Variants in TFEC observed in about 807,000 individuals in gnomAD.
TFEC encodes class E basic helix-loop-helix protein 34.
Under a neutral mutation model 41.6 loss-of-function variants are expected in TFEC, and 31 were observed. That is an observed-to-expected ratio of 0.74 (90% CI 0.56 to 1.01). The LOEUF (loss-of-function observed/expected upper bound fraction) is 1.01. Among genes scored for constraint, TFEC ranks in the 50% least tolerant of loss-of-function variants. The pLI is 0.00. For synonymous variants in TFEC, 143 were observed against 140.6 expected (o/e 1.02, Z -0.12); for missense variants, 402 against 404.1 (o/e 0.99, Z 0.04).
chr7:116,135,037 A>C (rs1376947224), intron 1 of TFEC, among the ~76,000 whole-genome samples: 1 of 152,130 alleles, frequency 6.6e-6, no homozygotes, highest in Non-Finnish European at 1.5e-5. Flanking sequence ...CGTCAAAACT[A>C]AGATTGTAGT....
chr7:115,958,304 A>G (rs193300056), intron 3 of TFEC, among the ~76,000 whole-genome samples: 13 of 152,042 alleles, frequency 8.6e-5, no homozygotes, highest in Admixed American at 8.5e-4. Flanking sequence ...TGTTTTTCTA[A>G]GATGTGACTC....
chr7:116,004,508 G>A (rs1430178123), intron 1 of TFEC, among the ~76,000 whole-genome samples: 1 of 152,134 alleles, frequency 6.6e-6, no homozygotes, highest in Non-Finnish European at 1.5e-5. Flanking sequence ...GAACCACTCT[G>A]GTGAAGGTTA....
At chr7:115,978,786 T>C (rs1296850622) in intron 2 of TFEC, among the ~76,000 whole-genome samples, 2 of 152,180 alleles carry the variant, frequency 1.3e-5, no homozygotes, top group African/African-American at 4.8e-5. Flanking sequence ...ACTAATTCTT[T>C]CTTTGGCATC....
chr7:116,087,818 T>C (rs1432826582), intron 3 of TFEC, among the ~76,000 whole-genome samples: 1 of 152,098 alleles, frequency 6.6e-6, no homozygotes, highest in Non-Finnish European at 1.5e-5. Flanking sequence ...CTCAAACCCA[T>C]TCTGTTGTTG....
intron 3 of TFEC, among the ~76,000 whole-genome samples, chr7:116,074,196 T>TG (rs1029192842): frequency 2.0e-5 from 3 of 151,112 alleles, no homozygotes; most frequent in African/African-American, 7.3e-5. Context: ...TATATATTTT[T>TG]TGTGTATGTG....
intron 1 of TFEC, among the ~76,000 whole-genome samples, chr7:116,004,753 G>C (rs1345718866): frequency 6.6e-6 from 1 of 151,750 alleles, no homozygotes; most frequent in Non-Finnish European, 1.5e-5. Context: ...GAAGAGAATA[G>C]TTGGTAAGGA....
chr7:115,938,697 A>G lies in TFEC; in HGVS notation c.*1854T>C, dbSNP rs982983983. On this transcript the variant is annotated 3_prime_UTR_variant, in exon 8 of 8. Transcript: ENST00000265440. ...TTTCCATGTGAGAAGCAACTAAAAG[A>G]TCCTTTCAAAATTTATCCCAAAGCT... The G allele has an allele frequency of 6.6e-6, 1 of 151,972 alleles. No homozygotes were observed. The highest frequency in any genetic ancestry group is 6.6e-5 in the Admixed American group (1 of 15,212). 9.4% of individuals were successfully genotyped at this position (151,972 alleles called of 1,614,324 possible). A position where few individuals can be genotyped will look rare whatever the true frequency, so the allele number is the denominator to read the frequency against.
chr7:116,149,254 T>A (rs1011587355), intron 1 of TFEC, among the ~76,000 whole-genome samples: 7 of 152,076 alleles, frequency 4.6e-5, no homozygotes, highest in Admixed American at 2.6e-4. Flanking sequence ...GGAATAAATA[T>A]AATTCACAAA....
At chr7:116,074,799 C>A (rs559696553) in intron 3 of TFEC, among the ~76,000 whole-genome samples, 1 of 152,216 alleles carries the variant, frequency 6.6e-6, no homozygotes, top group East Asian at 1.9e-4. Flanking sequence ...CATATATATT[C>A]ATACAAAAAC....
Position 116,081,024 on chromosome 7 carries a change from T to TAAAATGGAATACTACTCAGCCATA in TFEC, c.198+29660_198+29683dup, listed in dbSNP as rs1249668526. Among the ~76,000 whole-genome samples the TAAAATGGAATACTACTCAGCCATA allele has an allele frequency of 9.3e-5, 14 of 150,006 alleles. No homozygotes were observed. In the East Asian group the frequency reaches 2.8e-3, roughly 30 times the overall value. ...GTGTGTGTGTGTGTGTGTATAAATATAAAATGGAATACTACTCAGCCATAA... is the reference window on the plus strand; with the variant it reads ...GTGTGTGTGTGTGTGTGTATAAATATAAAATGGAATACTACTCAGCCATAAAAATGGAATACTACTCAGCCATAA... On this transcript the variant is annotated intron_variant, in intron 3 of 8. Coordinates refer to the TFEC transcript ENST00000484212.
At chr7:115,946,622 TTC>T (rs67677341) in intron 6 of TFEC, among the ~76,000 whole-genome samples, 5 of 145,230 alleles carry the variant, frequency 3.4e-5, no homozygotes, top group Admixed American at 1.4e-4. Context: ...CTTTCTTTCT[TTC>T]TCTCTCTCTC....
chr7:116,095,278 A>C (rs1399956742), intron 3 of TFEC, among the ~76,000 whole-genome samples: 2 of 152,160 alleles, frequency 1.3e-5, no homozygotes, highest in Non-Finnish European at 2.9e-5. Flanking sequence ...GTTTTATTGA[A>C]AACATAAAGC....
At chr7:116,032,786 C>T (rs559186659), upstream of TFEC, among the ~76,000 whole-genome samples, 1 of 152,216 alleles carries the variant, frequency 6.6e-6, no homozygotes, top group South Asian at 2.1e-4. Flanking sequence ...CCCCATGACA[C>T]AAGTTTACCT....
chr7:116,024,092 C>G (rs545120536), intron 1 of TFEC, among the ~76,000 whole-genome samples: 2 of 152,254 alleles, frequency 1.3e-5, no homozygotes, highest in South Asian at 4.1e-4. Context: ...TAATGAGTCC[C>G]TTCACTTTGC....
At chr7:116,058,992 G>C (rs1796491459) in intron 3 of TFEC, among the ~76,000 whole-genome samples, 1 of 151,656 alleles carries the variant, frequency 6.6e-6, no homozygotes, top group Non-Finnish European at 1.5e-5. Context: ...AGAAAAAGGA[G>C]ATAGATTAAA....
intron 3 of TFEC, among the ~76,000 whole-genome samples, chr7:116,068,200 G>A (rs1393523398): frequency 2.0e-5 from 3 of 151,740 alleles, no homozygotes; most frequent in Admixed American, 1.3e-4. Flanking sequence ...ATTTTTGTCG[G>A]GGGTTGGGAG....
At chr7:115,987,008 A>G (rs902428979) in intron 1 of TFEC, among the ~76,000 whole-genome samples, 1 of 152,222 alleles carries the variant, frequency 6.6e-6, no homozygotes, top group South Asian at 2.1e-4. Context: ...TTACTCATGC[A>G]AAAGAAGTCA....
intron 1 of TFEC, among the ~76,000 whole-genome samples, chr7:116,139,879 C>G (rs1798505651): frequency 6.6e-6 from 1 of 152,166 alleles, no homozygotes; most frequent in African/African-American, 2.4e-5. Context: ...AAGAAACCAG[C>G]TGAACCTTGA....
At chr7:115,957,331 T>TTGTACACTTAA (rs1318115634) in intron 3 of TFEC, among the ~76,000 whole-genome samples, 4 of 151,838 alleles carry the variant, frequency 2.6e-5, no homozygotes, top group Admixed American at 1.3e-4. Flanking sequence ...CTTTTTCTCA[T>TTGTACACTTAA]TGTACACTTA....
Sources: allele counts gnomAD v4.1 joint callset (sites outside exome capture counted in the v4.1 genomes callset), GRCh38; gene constraint gnomAD v4.1.1; transcripts MANE v1.5; gene names NCBI Gene and HGNC (gene_info 2026-07-23, HGNC 2026-07-21).